The following MESD variants were observed in gnomAD, a reference collection of about 807,000 sequenced individuals.
The protein encoded by MESD is mesoderm development LRP chaperone.
MESD carries 7 observed loss-of-function variants against 12.9 expected under a neutral mutation model. That is an observed-to-expected ratio of 0.54 (90% CI 0.31 to 1.02). The LOEUF is 1.02. Among genes scored for constraint, MESD ranks in the 50% least tolerant of loss-of-function variants. MESD has a pLI of 0.05. For missense variants in MESD, 342 were observed against 296.7 expected (o/e 1.15, Z -1.12); for synonymous variants, 126 against 115.6 (o/e 1.09, Z -0.58).
At chr15:80,973,123 T>G (rs1218037887), downstream of MESD, among the ~76,000 whole-genome samples, 1 of 152,114 alleles carries the variant, frequency 6.6e-6, no homozygotes, top group African/African-American at 2.4e-5. Flanking sequence ...GACAAATATG[T>G]GAATATAACG....
chr15:80,983,759 C>T (rs1407641387), intron 1 of MESD, among the ~76,000 whole-genome samples: 1 of 151,926 alleles, frequency 6.6e-6, no homozygotes, highest in East Asian at 1.9e-4. Flanking sequence ...CTTGAAGCAG[C>T]TCTCATGGGC....
intron 3 of MESD, among the ~76,000 whole-genome samples, chr15:80,960,011 A>G (rs565129540): frequency 3.9e-5 from 6 of 152,316 alleles, no homozygotes; most frequent in African/African-American, 1.4e-4. Context: ...ATTGGTTTTC[A>G]CCAGCTGGTC....
At chr15:80,973,564 A>G (rs1406107911), downstream of MESD, among the ~76,000 whole-genome samples, 1 of 152,148 alleles carries the variant, frequency 6.6e-6, no homozygotes, top group Admixed American at 6.5e-5. Flanking sequence ...TTCAGTTCTT[A>G]CTATGAACAC....
intron 3 of MESD, among the ~76,000 whole-genome samples, chr15:80,970,133 TTAAAA>T (rs1902254541): frequency 6.6e-6 from 1 of 152,216 alleles, no homozygotes; most frequent in Admixed American, 6.5e-5. Flanking sequence ...AGTCTGTTAA[TTAAAA>T]TAATAGCTGA....
downstream of MESD, chr15:80,946,889 A>G: frequency 4.0e-6 from 4 of 1,000,654 alleles, no homozygotes; most frequent in Non-Finnish European, 6.3e-6. Flanking sequence ...ACCATGCACA[A>G]ACCAACATCC....
chr15:80,948,870 A>G, exon 5 of MESD: 1 of 1,614,220 alleles, frequency 6.2e-7, no homozygotes, highest in Non-Finnish European at 8.5e-7. Flanking sequence ...AGGATCACAA[A>G]GCCAAAATCT....
chr15:80,947,793 T>C (rs1901627078), exon 5 of MESD: 1 of 152,556 alleles, frequency 6.6e-6, no homozygotes, highest in African/African-American at 2.4e-5. Flanking sequence ...CACTTACTCA[T>C]TAATAACCTG....
At chr15:80,956,489 AGAGTAGCAC>A (rs1172835458) in intron 3 of MESD, among the ~76,000 whole-genome samples, 1 of 152,270 alleles carries the variant, frequency 6.6e-6, no homozygotes, top group Admixed American at 6.5e-5. Context: ...AGGCTTAGAA[AGAGTAGCAC>A]GAGGGTGCTC....
rs751401466 is a variant in MESD at position 80,989,693 on chromosome 15, C to T, written c.99G>A (p.Ala33=). 18 of 1,612,492 alleles carry T rather than the reference C, an allele frequency of 1.1e-5. No homozygotes were observed. Among genetic ancestry groups the T allele is most frequent in the Admixed American group, 5.0e-5 (3 of 60,030 alleles). ...LLLLPPPGSC[A]AEGSPGTPDE... The stretch of plus-strand genomic sequence containing the variant: ...CGGGCGTCCCGGGCGAGCCTTCGGC[C>T]GCGCAGGACCCAGGCGGTGGTAGCA... Residue 33 remains alanine (A), a synonymous_variant, in exon 1 of 3, where the codon GCG becomes GCA. Coordinates refer to ENST00000261758, the MANE Select transcript of MESD (RefSeq NM_015154.3).
Position 80,956,588 on chromosome 15 carries a change from A to G in MESD, c.*289-4292T>C, listed in dbSNP as rs188862913. On this transcript the variant is annotated intron_variant, in intron 3 of 4. Coordinates refer to the MESD transcript ENST00000561312. ...TTACAATTGGGGTAAGGGGAACAGG[A>G]AAAAAAAGCCAGCAGCCAACCCTAA... 3.8e-3 allele frequency among the ~76,000 whole-genome samples: 572 copies of G among 152,062 alleles called. 7 individuals carry two copies. The highest frequency in any genetic ancestry group is 0.013 in the African/African-American group (529 of 41,392).
intron 4 of MESD, chr15:80,949,156 T>C (rs996703857): frequency 1.0e-5 from 6 of 584,906 alleles, no homozygotes; most frequent in Non-Finnish European, 1.5e-5. Flanking sequence ...GCTGGAAACA[T>C]TCACTTTCCT....
At chr15:80,953,382 C>A (rs1901891854) in intron 3 of MESD, among the ~76,000 whole-genome samples, 1 of 152,200 alleles carries the variant, frequency 6.6e-6, no homozygotes, top group African/African-American at 2.4e-5. Context: ...CTGCACCCAG[C>A]TAGACGCACA....
intron 1 of MESD, among the ~76,000 whole-genome samples, chr15:80,983,890 G>GAAAA (rs1902655053): frequency 7.4e-6 from 1 of 135,002 alleles, no homozygotes; most frequent in African/African-American, 2.8e-5. Flanking sequence ...ATAGAAAACA[G>GAAAA]TAACTTTTTT....
downstream of MESD, chr15:80,946,594 G>C (rs1357913602): frequency 3.9e-6 from 1 of 258,766 alleles, no homozygotes; most frequent in East Asian, 8.4e-5. Flanking sequence ...CCAGGGTTGA[G>C]AACATTCAAG....
At chr15:80,981,911 A>T in intron 2 of MESD, 39 bp downstream of exon 2, 1 of 1,325,546 alleles carries the variant, frequency 7.5e-7, no homozygotes, top group Non-Finnish European at 1.1e-6. Flanking sequence ...AAGACCGAGC[A>T]CAGCCTATGA....
At chr15:80,948,430 G>A (rs1901659548) in exon 5 of MESD, 1 of 353,580 alleles carries the variant, frequency 2.8e-6, no homozygotes, top group African/African-American at 2.1e-5. Context: ...GGAACACTGG[G>A]CTTCAGAGAG....
At position 80,989,801 on chromosome 15, in the gene MESD, G is replaced by C. The variant is rs777081550; in HGVS notation, c.-10C>G. On this transcript the variant is annotated 5_prime_UTR_variant, in exon 1 of 3. Transcript: ENST00000261758. Reference sequence around the variant, plus strand: ...ACCTGGAAGCCGCCATTTTCGCTGCGCCGCGCAGCGCCCTAGACGCGCTTA... The same window carrying C: ...ACCTGGAAGCCGCCATTTTCGCTGCCCCGCGCAGCGCCCTAGACGCGCTTA... The C allele has an allele frequency of 2.6e-6, 4 of 1,558,298 alleles. No individual in the cohort carries two copies. The highest frequency in any genetic ancestry group is 1.4e-5 in the African/African-American group (1 of 73,852).
intron 1 of MESD, among the ~76,000 whole-genome samples, chr15:80,987,468 G>A (rs1902763983): frequency 6.6e-6 from 1 of 151,516 alleles, no homozygotes; most frequent in Admixed American, 6.6e-5. Context: ...CTAGTGAGGG[G>A]TAAAGCTGAG....
chr15:80,987,951 C>G (rs1036428375), intron 1 of MESD, among the ~76,000 whole-genome samples: 4 of 152,220 alleles, frequency 2.6e-5, no homozygotes, highest in Non-Finnish European at 5.9e-5. Context: ...TAAGGAGACC[C>G]TGTCTCTATA....
Sources: allele counts gnomAD v4.1 joint callset (sites outside exome capture counted in the v4.1 genomes callset), GRCh38; gene constraint gnomAD v4.1.1; transcripts MANE v1.5; gene names NCBI Gene and HGNC (gene_info 2026-07-23, HGNC 2026-07-21).